EPHA6: variants seen among roughly 807,000 people sequenced by gnomAD.
EPHA6 encodes ephrin type-A receptor 6.
In EPHA6, 50 loss-of-function variants were observed where a neutral mutation model predicts 112.0. The observed-to-expected ratio is 0.45, with a 90% CI of 0.36 to 0.56. The LOEUF is 0.56. Ranked by LOEUF, EPHA6 falls within the 20% of genes least tolerant of loss-of-function variation. The pLI is 0.00. For synonymous variants in EPHA6, 529 were observed against 490.7 expected (o/e 1.08, Z -1.03); for missense variants, 1,280 against 1,417.4 (o/e 0.90, Z 1.56).
In EPHA6 at chr3:96,819,861, C is replaced by T. The variant is rs565234056; in HGVS notation, c.385+4853C>T. Among the ~76,000 whole-genome samples, 4 of 152,076 alleles carry T rather than the reference C, an allele frequency of 2.6e-5. No homozygotes were observed. The East Asian group carries it at 7.7e-4, about 29-fold the overall frequency. ...AAAAGAAAGATAAGGCATGTGAACT[C>T]ATGATATTTGGGTAAGTAAATAAAA... is the stretch of plus-strand genomic sequence containing the variant. On this transcript the variant is annotated intron_variant, in intron 1 of 17. Transcript: ENST00000389672.
intron 6 of EPHA6, among the ~76,000 whole-genome samples, chr3:97,428,293 A>G (rs540547827): frequency 6.6e-6 from 1 of 152,288 alleles, no homozygotes; most frequent in Non-Finnish European, 1.5e-5. Flanking sequence ...AACAAAATTC[A>G]TGATAGTAAA....
At chr3:97,237,635 A>G (rs1049750296) in intron 4 of EPHA6, among the ~76,000 whole-genome samples, 1 of 152,070 alleles carries the variant, frequency 6.6e-6, no homozygotes, top group Non-Finnish European at 1.5e-5. Context: ...CAGAACATCC[A>G]TAATTGTTGC....
At chr3:97,507,176 C>CTTTATTTTTCT (rs1372026659) in intron 10 of EPHA6, among the ~76,000 whole-genome samples, 3 of 152,130 alleles carry the variant, frequency 2.0e-5, no homozygotes, top group Non-Finnish European at 4.4e-5. Flanking sequence ...GCCTGAATGA[C>CTTTATTTTTCT]CTGGCCAGAA....
intron 5 of EPHA6, among the ~76,000 whole-genome samples, chr3:97,354,587 T>C (rs1441741737): frequency 1.3e-5 from 2 of 151,976 alleles, no homozygotes; most frequent in Non-Finnish European, 2.9e-5. Context: ...AAATTTTTAA[T>C]GAAGCACACC....
chr3:96,846,362 C>T (rs149971254), intron 1 of EPHA6, among the ~76,000 whole-genome samples: 2 of 152,082 alleles, frequency 1.3e-5, no homozygotes, highest in East Asian at 1.9e-4. Flanking sequence ...ATGCAGATTA[C>T]GTGTTTCCAC....
intron 16 of EPHA6, among the ~76,000 whole-genome samples, chr3:97,738,975 C>T: frequency 6.6e-6 from 1 of 152,012 alleles, no homozygotes; most frequent in East Asian, 1.9e-4. Context: ...ACTTGCAATA[C>T]CACCCACCCA....
At chr3:96,933,732 A>G (rs1029905316) in intron 2 of EPHA6, among the ~76,000 whole-genome samples, 1 of 152,150 alleles carries the variant, frequency 6.6e-6, no homozygotes, top group African/African-American at 2.4e-5. Context: ...GACACAGAGT[A>G]AGTTTATTAT....
At chr3:97,425,680 A>G (rs1032959262) in intron 6 of EPHA6, among the ~76,000 whole-genome samples, 2 of 152,190 alleles carry the variant, frequency 1.3e-5, no homozygotes, top group East Asian at 1.9e-4. Flanking sequence ...TTCATTACTT[A>G]TGCAAATTTC....
intron 10 of EPHA6, among the ~76,000 whole-genome samples, chr3:97,494,741 C>T (rs780565481): frequency 2.0e-5 from 3 of 152,120 alleles, no homozygotes; most frequent in Non-Finnish European, 2.9e-5. Context: ...ACAACACTGC[C>T]TACTGGTACT....
At chr3:97,673,964 T>C (rs1027760722) in intron 14 of EPHA6, among the ~76,000 whole-genome samples, 1 of 152,232 alleles carries the variant, frequency 6.6e-6, no homozygotes. Context: ...AAAGATTTTC[T>C]GGAAAACTCT....
chr3:97,000,706 G>C (rs1446489301), intron 3 of EPHA6, among the ~76,000 whole-genome samples: 1 of 151,564 alleles, frequency 6.6e-6, no homozygotes, highest in Non-Finnish European at 1.5e-5. Flanking sequence ...CAAGGTAAAG[G>C]TTTTTAGTGT....
intron 2 of EPHA6, among the ~76,000 whole-genome samples, chr3:96,869,016 C>A (rs79169139): frequency 0.014 from 2,190 of 151,990 alleles, 60 homozygotes; most frequent in African/African-American, 0.05. Flanking sequence ...ATAGTCTGAA[C>A]AAATAACGTT....
chr3:97,090,996 T>G (rs952325252), intron 3 of EPHA6, among the ~76,000 whole-genome samples: 1 of 152,026 alleles, frequency 6.6e-6, no homozygotes, highest in African/African-American at 2.4e-5. Flanking sequence ...TATTGAACAT[T>G]TATAGTGTAT....
chr3:97,496,828 A>C (rs896428578), intron 10 of EPHA6, among the ~76,000 whole-genome samples: 1 of 152,084 alleles, frequency 6.6e-6, no homozygotes, highest in Non-Finnish European at 1.5e-5. Flanking sequence ...AAAAAAACCA[A>C]CTGCCTCAGC....
At chr3:97,534,090 C>A (rs1286543469) in intron 11 of EPHA6, among the ~76,000 whole-genome samples, 4 of 152,136 alleles carry the variant, frequency 2.6e-5, no homozygotes, top group Admixed American at 2.6e-4. Context: ...GCTCCTGCCA[C>A]TTAAGAATTA....
chr3:96,936,338 T>G (rs953514548), intron 2 of EPHA6, among the ~76,000 whole-genome samples: 1 of 152,032 alleles, frequency 6.6e-6, no homozygotes, highest in Non-Finnish European at 1.5e-5. Flanking sequence ...GTAATGGTTT[T>G]AAAGCATGCA....
At chr3:97,451,833 G>A (rs2090540234) in intron 7 of EPHA6, among the ~76,000 whole-genome samples, 1 of 151,718 alleles carries the variant, frequency 6.6e-6, no homozygotes, top group African/African-American at 2.4e-5. Flanking sequence ...TTATTGTAAT[G>A]TCAGCCTTAT....
chr3:97,280,845 A>G (rs1218517877), intron 5 of EPHA6, among the ~76,000 whole-genome samples: 1 of 152,200 alleles, frequency 6.6e-6, no homozygotes, highest in African/African-American at 2.4e-5. Flanking sequence ...TTTAATGTGT[A>G]ACTATGAGCA....
intron 4 of EPHA6, among the ~76,000 whole-genome samples, chr3:97,240,174 A>G (rs1399098394): frequency 6.6e-6 from 1 of 151,872 alleles, no homozygotes; most frequent in African/African-American, 2.4e-5. Flanking sequence ...AAATTCATTG[A>G]TACGTATGTA....
Sources: allele counts gnomAD v4.1 joint callset (sites outside exome capture counted in the v4.1 genomes callset), GRCh38; gene constraint gnomAD v4.1.1; transcripts MANE v1.5; gene names NCBI Gene and HGNC (gene_info 2026-07-23, HGNC 2026-07-21).